DRD3: variants seen among roughly 807,000 people sequenced by gnomAD.
DRD3 encodes the protein dopamine receptor D3.
Under a neutral mutation model 36.3 loss-of-function variants are expected in DRD3, and 19 were observed. The observed-to-expected ratio is 0.52, with a 90% CI of 0.36 to 0.77. The LOEUF (loss-of-function observed/expected upper bound fraction) is 0.77. Ranked by LOEUF, DRD3 falls within the 30% of genes least tolerant of loss-of-function variation. The probability of loss-of-function intolerance (pLI) is 0.00; values close to 1 mark genes in which losing one functional copy is unlikely to be tolerated. For synonymous variants in DRD3, 195 were observed against 203.7 expected (o/e 0.96, Z 0.36); for missense variants, 465 against 505.3 (o/e 0.92, Z 0.77).
intron 1 of DRD3, among the ~76,000 whole-genome samples, chr3:114,188,694 C>T (rs150605785): frequency 8.4e-4 from 128 of 152,278 alleles, no homozygotes; most frequent in Admixed American, 1.4e-3. Flanking sequence ...GTTCTCTTTA[C>T]GTTTCATTTG....
intron 1 of DRD3, among the ~76,000 whole-genome samples, chr3:114,188,092 T>A (rs1218222223): frequency 1.3e-5 from 2 of 151,810 alleles, no homozygotes; most frequent in Non-Finnish European, 2.9e-5. Flanking sequence ...CTTTGGCAAA[T>A]AACAGAAAAC....
At chr3:114,152,162 T>C (rs1423960787) in intron 3 of DRD3, among the ~76,000 whole-genome samples, 2 of 152,138 alleles carry the variant, frequency 1.3e-5, no homozygotes, top group Admixed American at 1.3e-4. Flanking sequence ...GGTGCACCCA[T>C]CACCCAAGCA....
At chr3:114,193,961 T>G (rs750729606) in intron 1 of DRD3, among the ~76,000 whole-genome samples, 9 of 152,208 alleles carry the variant, frequency 5.9e-5, no homozygotes, top group Non-Finnish European at 1.2e-4. Flanking sequence ...CATTACACAT[T>G]CTGCACTCTT....
intron 2 of DRD3, among the ~76,000 whole-genome samples, chr3:114,166,371 C>A (rs968297333): frequency 6.6e-6 from 1 of 152,172 alleles, no homozygotes; most frequent in African/African-American, 2.4e-5. Context: ...GAAACTCAAT[C>A]CCCAGTGCAA....
chr3:114,152,998 C>G (rs2077632734), intron 3 of DRD3, among the ~76,000 whole-genome samples: 1 of 152,242 alleles, frequency 6.6e-6, no homozygotes, highest in Non-Finnish European at 1.5e-5. Flanking sequence ...GGACCCTCCC[C>G]TTGTGTCTGA....
intron 1 of DRD3, among the ~76,000 whole-genome samples, chr3:114,173,290 T>C (rs1245255717): frequency 6.6e-6 from 1 of 152,198 alleles, no homozygotes; most frequent in Admixed American, 6.5e-5. Context: ...GTTTATGGTA[T>C]TTTGTGATAG....
intron 1 of DRD3, among the ~76,000 whole-genome samples, chr3:114,176,535 T>C (rs1232584576): frequency 6.6e-6 from 1 of 151,970 alleles, no homozygotes; most frequent in African/African-American, 2.4e-5. Context: ...AGTCCAGGAG[T>C]TAGAGGCTGC....
At chr3:114,139,231 A>G (rs2077501717) in intron 5 of DRD3, among the ~76,000 whole-genome samples, 1 of 152,236 alleles carries the variant, frequency 6.6e-6, no homozygotes. Flanking sequence ...CATTTGGGGA[A>G]AATGAAAGAC....
chr3:114,170,167 A>T (rs1430107594), intron 2 of DRD3, among the ~76,000 whole-genome samples: 1 of 152,216 alleles, frequency 6.6e-6, no homozygotes, highest in African/African-American at 2.4e-5. Flanking sequence ...TTTCAGGCTC[A>T]TTATTGTTGG....
chr3:114,176,475 T>C (rs563543386), intron 1 of DRD3, among the ~76,000 whole-genome samples: 23 of 152,192 alleles, frequency 1.5e-4, no homozygotes, highest in Middle Eastern at 6.8e-3. Flanking sequence ...TGTGATGCCA[T>C]GTGCCTGTAT....
chr3:114,198,126 G>T (rs1199440963), intron 1 of DRD3, among the ~76,000 whole-genome samples: 1 of 151,774 alleles, frequency 6.6e-6, no homozygotes, highest in Admixed American at 6.6e-5. Flanking sequence ...TATTTTTTAG[G>T]TTTTAGGGTA....
chr3:114,152,574 C>A (rs1042455073), intron 3 of DRD3, among the ~76,000 whole-genome samples: 1 of 152,182 alleles, frequency 6.6e-6, no homozygotes, highest in African/African-American at 2.4e-5. Flanking sequence ...AAGCCGACTG[C>A]GACAGGGAGG....
intron 3 of DRD3, among the ~76,000 whole-genome samples, chr3:114,148,008 G>A (rs570119808): frequency 4.4e-4 from 67 of 152,316 alleles, no homozygotes; most frequent in African/African-American, 1.3e-3. Flanking sequence ...CATATAGCAT[G>A]AGAAATATAA....
upstream of DRD3, among the ~76,000 whole-genome samples, chr3:114,179,610 A>G (rs1024191540): frequency 6.6e-6 from 1 of 152,182 alleles, no homozygotes; most frequent in East Asian, 1.9e-4. Context: ...GAACATAAAC[A>G]ATCCTAACTT....
intron 2 of DRD3, among the ~76,000 whole-genome samples, chr3:114,164,469 C>G (rs1310029202): frequency 6.6e-6 from 1 of 151,954 alleles, no homozygotes; most frequent in Non-Finnish European, 1.5e-5. Context: ...TAGACACAGC[C>G]TAGGGCAGCA....
At chr3:114,182,935 C>T (rs1203587474), upstream of DRD3, among the ~76,000 whole-genome samples, 1 of 152,212 alleles carries the variant, frequency 6.6e-6, no homozygotes, top group Non-Finnish European at 1.5e-5. Context: ...AGCTATTGTG[C>T]ATGACACTGC....
chr3:114,164,238 A>G (rs1463461364), intron 2 of DRD3, among the ~76,000 whole-genome samples: 5 of 150,018 alleles, frequency 3.3e-5, no homozygotes, highest in Non-Finnish European at 7.4e-5. Context: ...AAAAAAAAAA[A>G]AAAAAAAAAA....
chr3:114,174,710 T>A (rs1215696696), intron 1 of DRD3, among the ~76,000 whole-genome samples: 1 of 151,686 alleles, frequency 6.6e-6, no homozygotes, highest in Non-Finnish European at 1.5e-5. Context: ...TTACTCTCTA[T>A]CCCTCAGCTA....
rs938911743 is a variant in DRD3, at chr3:114,127,737, T to C, written c.*979A>G. Among the ~76,000 whole-genome samples, 4 of 152,232 alleles carry C rather than the reference T, an allele frequency of 2.6e-5. No individual in the cohort carries two copies. The highest frequency in any genetic ancestry group is 5.9e-5 in the Non-Finnish European group (4 of 68,046). On this transcript the variant is annotated 3_prime_UTR_variant, in exon 7 of 7. Coordinates refer to ENST00000383673, the MANE Select transcript of DRD3 (RefSeq NM_000796.6). ...TTGAGCTATGATGTTGCAACAGCTA[T>C]GACATCATTAAGTGATAGAAATTCT... is the stretch of plus-strand genomic sequence containing the variant.
Sources: allele counts gnomAD v4.1 joint callset (sites outside exome capture counted in the v4.1 genomes callset), GRCh38; gene constraint gnomAD v4.1.1; transcripts MANE v1.5; gene names NCBI Gene and HGNC (gene_info 2026-07-23, HGNC 2026-07-21).